The following SERPINA6 variants were observed in gnomAD, a reference collection of about 807,000 sequenced individuals.
SERPINA6 encodes serpin family A member 6.
In SERPINA6, 19 loss-of-function variants were observed where a neutral mutation model predicts 26.4. The observed-to-expected ratio is 0.72, with a 90% CI of 0.50 to 1.06. The LOEUF is 1.06. Among genes scored for constraint, SERPINA6 ranks in the 50% least tolerant of loss-of-function variants. The probability of loss-of-function intolerance (pLI) is 0.00; values close to 1 mark genes in which losing one functional copy is unlikely to be tolerated. For synonymous variants in SERPINA6, 196 were observed against 199.4 expected, an observed-to-expected ratio of 0.98 and a Z score of 0.14; for missense variants, 473 against 504.0, an observed-to-expected ratio of 0.94 and a Z score of 0.59.
intron 2 of SERPINA6, among the ~76,000 whole-genome samples, chr14:94,310,417 AC>A (rs34954466): frequency 0.21 from 31,336 of 151,870 alleles, 3,404 homozygotes; most frequent in Non-Finnish European, 0.25. Context: ...GGCCATCTCC[AC>A]CCCTGCCAGC....
intron 2 of SERPINA6, 192 bp downstream of exon 2, chr14:94,313,844 G>C (rs1278620938): frequency 1.3e-6 from 1 of 761,082 alleles, no homozygotes; most frequent in South Asian, 1.4e-5. Context: ...AACCCTTCTG[G>C]GTGTCATTTT....
intron 2 of SERPINA6, among the ~76,000 whole-genome samples, chr14:94,313,158 G>A (rs1895556119): frequency 6.6e-6 from 1 of 152,194 alleles, no homozygotes; most frequent in African/African-American, 2.4e-5. Flanking sequence ...TTTGAAGTGA[G>A]GGAAGATGTT....
At chr14:94,306,284 C>T in intron 3 of SERPINA6, 66 bp from the exon 4 acceptor site, 1 of 1,550,242 alleles carries the variant, frequency 6.5e-7, no homozygotes. Flanking sequence ...GAGAGCAGCA[C>T]CTCTTCTCCT....
intron 1 of SERPINA6, among the ~76,000 whole-genome samples, chr14:94,317,837 T>C (rs1340650577): frequency 6.6e-6 from 1 of 152,224 alleles, no homozygotes; most frequent in Non-Finnish European, 1.5e-5. Flanking sequence ...AATATAGCAC[T>C]GGAATTTCTA....
At chr14:94,306,546 G>A (rs896945381) in intron 3 of SERPINA6, among the ~76,000 whole-genome samples, 2 of 152,214 alleles carry the variant, frequency 1.3e-5, no homozygotes, top group African/African-American at 2.4e-5. Context: ...AGCCTTTTTA[G>A]TCCCAGGAGA....
At chr14:94,313,851 T>A (rs780967768) in intron 2 of SERPINA6, 185 bp downstream of exon 2, 3 of 798,136 alleles carry the variant, frequency 3.8e-6, no homozygotes, top group Non-Finnish European at 6.5e-6. Context: ...CTGGGTGTCA[T>A]TTTGATCTTT....
At chr14:94,307,220 T>C (rs1895453830) in intron 3 of SERPINA6, among the ~76,000 whole-genome samples, 1 of 152,154 alleles carries the variant, frequency 6.6e-6, no homozygotes, top group Non-Finnish European at 1.5e-5. Context: ...TTCTCCTCTC[T>C]CTGTCTCTCT....
In SERPINA6 at chr14:94,309,804, C is replaced by G; in HGVS notation, c.816G>C (p.Lys272Asn). 1 of 1,614,232 alleles carries G rather than the reference C, an allele frequency of 6.2e-7. No individual in the cohort carries two copies. Among genetic ancestry groups the G allele is most frequent in the Non-Finnish European group, 8.5e-7 (1 of 1,180,038 alleles). The change falls in exon 3 of 5, where the codon AAG (lysine) becomes AAC (asparagine). Residue 272 changes from lysine to asparagine, a missense_variant. Lys to Asn is a moderately conservative substitution (Grantham distance 94). Coordinates refer to ENST00000341584, the MANE Select transcript of SERPINA6 (RefSeq NM_001756.4). ...TCAGTGCAGCGATGACTGTGTTCAT[C>G]TTCCCCTTGTCCGGAAGGATGAAGA... Reference protein sequence around the residue: ...TVFFILPDKGKMNTVIAALSR... With the variant: ...TVFFILPDKGNMNTVIAALSR...
chr14:94,306,287 C>G, intron 3 of SERPINA6, 69 bp from the exon 4 acceptor site: 1 of 1,540,578 alleles, frequency 6.5e-7, no homozygotes, highest in South Asian at 1.1e-5. Flanking sequence ...AGCAGCACCT[C>G]TTCTCCTGGC....
chr14:94,312,595 G>A (rs1191589406), intron 2 of SERPINA6, among the ~76,000 whole-genome samples: 1 of 152,232 alleles, frequency 6.6e-6, no homozygotes, highest in Non-Finnish European at 1.5e-5. Flanking sequence ...CAGCCTCCCT[G>A]GCCCTCCCAT....
intron 2 of SERPINA6, among the ~76,000 whole-genome samples, chr14:94,313,370 T>G (rs1047844040): frequency 3.9e-5 from 6 of 152,242 alleles, no homozygotes; most frequent in Admixed American, 3.3e-4. Flanking sequence ...GGGCAGCCTA[T>G]TCTGGATCAC....
At chr14:94,322,145 C>T (rs139501561) in intron 1 of SERPINA6, among the ~76,000 whole-genome samples, 75 of 152,296 alleles carry the variant, frequency 4.9e-4, no homozygotes, top group Non-Finnish European at 8.7e-4. Flanking sequence ...TGTCTGACAT[C>T]GGAGCTTGTG....
chr14:94,314,834 A>T (rs1029002565), intron 1 of SERPINA6, 167 bp from the exon 2 acceptor site: 1 of 656,538 alleles, frequency 1.5e-6, no homozygotes, highest in African/African-American at 1.8e-5. Context: ...CAGTTTCCTC[A>T]TCTGGAGATA....
At position 94,314,601 on chromosome 14, in the gene SERPINA6, G is replaced by GC. The variant is rs774623963; in HGVS notation, c.47dup (p.Leu17ProfsTer10). The stretch of plus-strand genomic sequence containing the variant: ...GATCCATGGCCTGGACGGTCCAGAG[G>GC]CCGCTGGTGGGCAGCCAGAGAAGAC... On this transcript the variant is annotated frameshift_variant, in exon 2 of 5. Transcript: ENST00000341584. LOFTEE classifies it high-confidence loss of function. 4 of 1,614,082 alleles carry GC rather than the reference G, an allele frequency of 2.5e-6. No individual in the cohort carries two copies. The African/African-American group carries it at 5.3e-5, about 22-fold the overall frequency.
Position 94,309,919 on chromosome 14 carries a change from A to T in SERPINA6, c.701T>A (p.Met234Lys). Residue 234 changes from methionine to lysine, a missense_variant, in exon 3 of 5, where the codon ATG (methionine) becomes AAG (lysine). By Grantham distance (95) the Met-to-Lys change is moderately conservative (BLOSUM62 -1). Coordinates refer to ENST00000341584, the MANE Select transcript of SERPINA6 (RefSeq NM_001756.4). ...DETTVVKVPM[M>K]LQSSTISYLH... ...GTAACTGATGGTGCTCGACTGCAAC[A>T]TCATGGGCACCTTCACCACAGTTGT... is the stretch of plus-strand genomic sequence containing the variant. The T allele has an allele frequency of 6.2e-7, 1 of 1,614,184 alleles. No homozygotes were observed. Among genetic ancestry groups the T allele is most frequent in the Non-Finnish European group, 8.5e-7 (1 of 1,180,038 alleles).
At chr14:94,319,598 T>C (rs568958481) in intron 1 of SERPINA6, among the ~76,000 whole-genome samples, 1 of 152,320 alleles carries the variant, frequency 6.6e-6, no homozygotes, top group Non-Finnish European at 1.5e-5. Context: ...CAAAGTCTGG[T>C]ATAAACATAC....
In SERPINA6 at chr14:94,309,995, G is replaced by C. The variant is rs142314764; in HGVS notation, c.625C>G (p.Gln209Glu). The C allele has an allele frequency of 1.2e-6, 2 of 1,614,046 alleles. No homozygotes were observed. The highest frequency in any genetic ancestry group is 2.7e-5 in the African/African-American group (2 of 74,928). The change falls in exon 3 of 5, where the codon CAG becomes GAG. Residue 209 changes from glutamine to glutamate, a missense_variant. Gln to Glu is a conservative substitution (Grantham distance 29, BLOSUM62 2). Transcript: ENST00000341584. ...NYIFFKGTWT[Q>E]PFDLASTREE... ...CTGGTGCTTGCCAGGTCAAAGGGCTGTGTCCATGTGCCTAGGAAGAGGAGG... is the reference window on the plus strand; with the variant it reads ...CTGGTGCTTGCCAGGTCAAAGGGCTCTGTCCATGTGCCTAGGAAGAGGAGG...
At position 94,309,993 on chromosome 14, in the gene SERPINA6, C is replaced by A; in HGVS notation, c.627G>T (p.Gln209His). ...CCCTGGTGCTTGCCAGGTCAAAGGG[C>A]TGTGTCCATGTGCCTAGGAAGAGGA... ...NYIFFKGTWT[Q>H]PFDLASTREE... Residue 209 changes from glutamine (Q) to histidine (H), a missense_variant, in exon 3 of 5, where the codon CAG becomes CAT. Transcript: ENST00000341584. The A allele has an allele frequency of 6.2e-7, 1 of 1,614,128 alleles. No individual in the cohort carries two copies. Among genetic ancestry groups the A allele is most frequent in the Non-Finnish European group, 8.5e-7 (1 of 1,180,022 alleles).
intron 2 of SERPINA6, among the ~76,000 whole-genome samples, chr14:94,311,942 C>A (rs1056657180): frequency 6.6e-6 from 1 of 151,534 alleles, no homozygotes; most frequent in East Asian, 1.9e-4. Flanking sequence ...AGCAAGACTC[C>A]GTCTCAAAAA....
Sources: allele counts gnomAD v4.1 joint callset (sites outside exome capture counted in the v4.1 genomes callset), GRCh38; gene constraint gnomAD v4.1.1; transcripts MANE v1.5; gene names NCBI Gene and HGNC (gene_info 2026-07-23, HGNC 2026-07-21).